LGSN: variants seen among roughly 807,000 people sequenced by gnomAD.
LGSN encodes lengsin, lens protein with glutamine synthetase domain.
A neutral mutation model predicts 19.5 loss-of-function variants in LGSN; 21 were observed. The observed-to-expected ratio is 1.07, with a 90% CI of 0.76 to 1.55. The LOEUF (loss-of-function observed/expected upper bound fraction) is 1.55, where lower values mean the gene tolerates loss of function less well. Ranked by LOEUF, LGSN falls within the 40% of genes most tolerant of loss-of-function variation. The pLI is 0.00. For synonymous variants in LGSN, 257 were observed against 215.6 expected (o/e 1.19, Z -1.68); for missense variants, 673 against 608.5 (o/e 1.11, Z -1.12).
the LGSN span, among the ~76,000 whole-genome samples, chr6:63,564,363 T>C: frequency 6.6e-6 from 1 of 152,034 alleles, no homozygotes; most frequent in Non-Finnish European, 1.5e-5. Flanking sequence ...AATGGAACTA[T>C]AGAAATACAC....
At position 63,280,583 on chromosome 6, in the gene LGSN, C is replaced by G; in HGVS notation, c.968G>C (p.Arg323Thr). 1 of 1,614,090 alleles carries G rather than the reference C, an allele frequency of 6.2e-7. No homozygotes were observed. ...ILSHSLWDVD[R>T]KKNMFCSTSG... ...AGTGCTGCAGAACATGTTTTTCTTC[C>G]TATCGACATCCCAGAGACTATGAGA... The change falls in exon 4 of 4, where the codon AGG becomes ACG. Residue 323 changes from arginine to threonine, a missense_variant. Coordinates refer to ENST00000370657, the MANE Select transcript of LGSN (RefSeq NM_016571.3).
the LGSN span, among the ~76,000 whole-genome samples, chr6:63,409,630 G>C: frequency 2.6e-5 from 4 of 152,122 alleles, no homozygotes; most frequent in Non-Finnish European, 5.9e-5. Flanking sequence ...CTCAGTTTCT[G>C]CATTTATAAA....
chr6:63,295,238 C>A (rs1387104377), intron 1 of LGSN, among the ~76,000 whole-genome samples, 193 bp from the exon 2 acceptor site: 26 of 152,116 alleles, frequency 1.7e-4, no homozygotes. Flanking sequence ...TGCTGATAGG[C>A]CAGATAGTCT....
chr6:63,500,632 G>A, the LGSN span, among the ~76,000 whole-genome samples: 1 of 152,092 alleles, frequency 6.6e-6, no homozygotes, highest in Non-Finnish European at 1.5e-5. Context: ...TGTTGGTCAG[G>A]CTGGTTTCAA....
At chr6:63,401,390 A>T in the LGSN span, among the ~76,000 whole-genome samples, 1 of 151,772 alleles carries the variant, frequency 6.6e-6, no homozygotes, top group Admixed American at 6.6e-5. Context: ...ACAGAACAAA[A>T]ATCTGTCTCA....
chr6:63,417,163 T>A, the LGSN span, among the ~76,000 whole-genome samples: 4 of 152,112 alleles, frequency 2.6e-5, no homozygotes, highest in African/African-American at 7.2e-5. Flanking sequence ...AAGACATACT[T>A]CTTCTTGTCT....
chr6:63,409,760 G>T, the LGSN span, among the ~76,000 whole-genome samples: 1 of 152,188 alleles, frequency 6.6e-6, no homozygotes, highest in Non-Finnish European at 1.5e-5. Context: ...CCTCAGCCGG[G>T]TGTGGCAGCT....
At chr6:63,307,715 T>A (rs766433862) in intron 1 of LGSN, among the ~76,000 whole-genome samples, 86 of 152,182 alleles carry the variant, frequency 5.7e-4, no homozygotes, top group Admixed American at 1.2e-3. Context: ...GCCACAAATA[T>A]TGCCTGGGCA....
chr6:63,457,302 C>T, the LGSN span, among the ~76,000 whole-genome samples: 3 of 152,048 alleles, frequency 2.0e-5, no homozygotes, highest in Non-Finnish European at 4.4e-5. Flanking sequence ...GTCAGGAGTT[C>T]GAGACCAGCC....
At chr6:63,527,048 C>T in the LGSN span, among the ~76,000 whole-genome samples, 1 of 151,774 alleles carries the variant, frequency 6.6e-6, no homozygotes, top group African/African-American at 2.4e-5. Context: ...GTATTTCTAC[C>T]TTCATGTCTT....
chr6:63,491,260 G>A, the LGSN span, among the ~76,000 whole-genome samples: 1 of 152,174 alleles, frequency 6.6e-6, no homozygotes, highest in Non-Finnish European at 1.5e-5. Flanking sequence ...GTGTAAGTCA[G>A]TGTGCTCCCT....
chr6:63,360,207 C>A, the LGSN span, among the ~76,000 whole-genome samples: 1 of 152,162 alleles, frequency 6.6e-6, no homozygotes, highest in Non-Finnish European at 1.5e-5. Context: ...TGAATGTTGG[C>A]CTGCCTTGCT....
At chr6:63,354,736 G>A in the LGSN span, among the ~76,000 whole-genome samples, 3 of 152,064 alleles carry the variant, frequency 2.0e-5, no homozygotes, top group African/African-American at 7.2e-5. Flanking sequence ...GAATCAACCT[G>A]TGTTCATCAA....
At chr6:63,420,071 C>T in the LGSN span, among the ~76,000 whole-genome samples, 1 of 151,492 alleles carries the variant, frequency 6.6e-6, no homozygotes, top group African/African-American at 2.4e-5. Context: ...GGCATGATGG[C>T]AGGCTCCTGT....
chr6:63,289,975 G>A (rs572575484), intron 2 of LGSN, among the ~76,000 whole-genome samples: 1 of 151,830 alleles, frequency 6.6e-6, no homozygotes, highest in Admixed American at 6.6e-5. Context: ...TTGTTGGAAA[G>A]CCCAGGTGGC....
chr6:63,547,545 G>A, the LGSN span, among the ~76,000 whole-genome samples: 146 of 117,082 alleles, frequency 1.2e-3, 2 homozygotes, highest in Non-Finnish European at 4.0e-4. Flanking sequence ...TTGCTCTGTC[G>A]CCCAGGCTGG....
the LGSN span, chr6:63,548,877 T>C: frequency 2.5e-6 from 2 of 791,722 alleles, no homozygotes; most frequent in Non-Finnish European, 4.5e-6. Flanking sequence ...AGCGCCTTTG[T>C]CTTCTGAGTT....
the LGSN span, among the ~76,000 whole-genome samples, chr6:63,456,686 G>T: frequency 6.6e-6 from 1 of 152,032 alleles, no homozygotes; most frequent in Non-Finnish European, 1.5e-5. Flanking sequence ...CTTGGGCTAT[G>T]GGTCTGTCAC....
rs758328363 is a variant in LGSN at position 63,280,954 on chromosome 6, G to T, written c.597C>A (p.Gly199=). The change falls in exon 4 of 4, where the codon GGC becomes GGA. Residue 199 remains glycine (G), a synonymous_variant. Coordinates refer to ENST00000370657, the MANE Select transcript of LGSN (RefSeq NM_016571.3). ...KRQLSHLQAS[G]FSLLSAFIYD... The stretch of plus-strand genomic sequence containing the variant: ...AGATGAAAGCAGAAAGCAGGGAAAA[G>T]CCAGAGGCCTGCAGATGGCTCAGCT... The T allele has an allele frequency of 6.2e-7, 1 of 1,613,970 alleles. No individual in the cohort carries two copies. The highest frequency in any genetic ancestry group is 1.3e-5 in the African/African-American group (1 of 74,896).
Sources: allele counts gnomAD v4.1 joint callset (sites outside exome capture counted in the v4.1 genomes callset), GRCh38; gene constraint gnomAD v4.1.1; transcripts MANE v1.5; gene names NCBI Gene and HGNC (gene_info 2026-07-23, HGNC 2026-07-21).